Variants in CCDC38 observed in about 807,000 individuals in gnomAD.
The protein encoded by CCDC38 is coiled-coil domain-containing protein 38.
In CCDC38, 69 loss-of-function variants were observed where a neutral mutation model predicts 72.8. The observed-to-expected ratio is 0.95, with a 90% confidence interval of 0.78 to 1.16. The LOEUF (loss-of-function observed/expected upper bound fraction) is 1.16. CCDC38 is among the 50% of genes most tolerant of loss of function. The pLI, the probability that CCDC38 is intolerant of heterozygous loss-of-function variation, is 0.00. For missense variants in CCDC38, 626 were observed against 638.9 expected (o/e 0.98, Z 0.22); for synonymous variants, 201 against 213.2 (o/e 0.94, Z 0.50).
chr12:95,903,588 C>T, intron 5 of CCDC38: 1 of 590,568 alleles, frequency 1.7e-6, no homozygotes, highest in Non-Finnish European at 3.1e-6. Flanking sequence ...TGCTGAGAGT[C>T]TCCATCAAGA....
At chr12:95,908,331 GC>G (rs2080037865) in intron 4 of CCDC38, among the ~76,000 whole-genome samples, 8 of 149,940 alleles carry the variant, frequency 5.3e-5, no homozygotes, top group African/African-American at 2.5e-5. Flanking sequence ...GCGTGGCGGC[GC>G]GCGCCTGCAA....
chr12:95,902,672 G>T (rs1484185738), intron 5 of CCDC38, among the ~76,000 whole-genome samples: 1 of 152,122 alleles, frequency 6.6e-6, no homozygotes, highest in African/African-American at 2.4e-5. Flanking sequence ...AAATAAGGTT[G>T]CTATGAGCAC....
At chr12:95,932,994 T>C (rs2080354119) in intron 2 of CCDC38, among the ~76,000 whole-genome samples, 1 of 152,172 alleles carries the variant, frequency 6.6e-6, no homozygotes, top group Non-Finnish European at 1.5e-5. Flanking sequence ...ATGGTTATTC[T>C]CATGGAATAA....
At chr12:95,941,083 C>G (rs2080445685) in intron 1 of CCDC38, among the ~76,000 whole-genome samples, 1 of 152,232 alleles carries the variant, frequency 6.6e-6, no homozygotes, top group Non-Finnish European at 1.5e-5. Context: ...CTCATCCTTT[C>G]TGCTTTTGCA....
chr12:95,940,864 C>T (rs1427361123), intron 1 of CCDC38, among the ~76,000 whole-genome samples: 4 of 130,898 alleles, frequency 3.1e-5, no homozygotes, highest in Non-Finnish European at 4.7e-5. Flanking sequence ...GCCCCTTTTG[C>T]GAAGTGAAAA....
Position 95,917,200 on chromosome 12 carries a change from T to C in CCDC38, c.233A>G (p.Tyr78Cys), listed in dbSNP as rs143334532. 56 of 1,610,108 alleles carry C rather than the reference T, an allele frequency of 3.5e-5. No individual in the cohort carries two copies. The highest frequency in any genetic ancestry group is 4.5e-5 in the East Asian group (2 of 44,558). Residue 78 changes from tyrosine (Y) to cysteine (C), a missense_variant, in exon 4 of 16, where the codon TAC becomes TGC. Transcript: ENST00000344280. The part of the protein sequence containing the change: ...SHSYLSQLAF[Y>C]PKRSGRSFEK... ...AAATGACCTACCACTCCTTTTAGGG[T>C]AGAAAGCTAGTTGGCTCAGGTATGA...
chr12:95,922,506 A>G (rs950877019), intron 2 of CCDC38, among the ~76,000 whole-genome samples: 1 of 152,162 alleles, frequency 6.6e-6, no homozygotes, highest in Non-Finnish European at 1.5e-5. Context: ...TGTTTGAATA[A>G]TTTCATGGCT....
chr12:95,918,766 A>C, intron 3 of CCDC38, 110 bp downstream of exon 3: 1 of 690,174 alleles, frequency 1.4e-6, no homozygotes, highest in Non-Finnish European at 2.6e-6. Flanking sequence ...GGCACACACC[A>C]TCTGCGTCTA....
intron 5 of CCDC38, among the ~76,000 whole-genome samples, chr12:95,902,502 CTT>C (rs2079960318): frequency 6.6e-6 from 1 of 152,080 alleles, no homozygotes. Context: ...GATTTATAAA[CTT>C]AGTACAACTA....
chr12:95,867,220 A>AT, intron 15 of CCDC38, 31 bp from the exon 16 acceptor site: 1 of 1,211,124 alleles, frequency 8.3e-7, no homozygotes, highest in Middle Eastern at 2.4e-4. Flanking sequence ...AATACTTAAT[A>AT]TTTTTTGAGC....
intron 13 of CCDC38, among the ~76,000 whole-genome samples, chr12:95,876,551 A>T (rs1417635962): frequency 6.6e-6 from 1 of 152,206 alleles, no homozygotes. Context: ...AAATTTGGTT[A>T]TGTATATTGT....
chr12:95,926,457 G>C (rs1467292155), intron 2 of CCDC38, among the ~76,000 whole-genome samples: 1 of 151,380 alleles, frequency 6.6e-6, no homozygotes, highest in African/African-American at 2.4e-5. Context: ...TCTTGCTAGC[G>C]GTCTATCAAT....
rs573915354 is a variant in CCDC38, at chr12:95,923,663, G to A, written c.38-4687C>T. ...CCCACTAACTCGTCATCTAGCATTA[G>A]GTATATCTCCCAATGCTATCCCTCC... On this transcript the variant is annotated intron_variant, in intron 2 of 15. Coordinates refer to ENST00000344280, the MANE Select transcript of CCDC38 (RefSeq NM_182496.3). Among the ~76,000 whole-genome samples, 368 of 152,104 alleles carry A rather than the reference G, an allele frequency of 2.4e-3. 3 individuals are homozygous for A. Among genetic ancestry groups the A allele is most frequent in the Non-Finnish European group, 4.6e-3 (314 of 67,992 alleles).
At chr12:95,936,619 T>A in intron 1 of CCDC38, 96 bp from the exon 2 acceptor site, 1 of 937,938 alleles carries the variant, frequency 1.1e-6, no homozygotes, top group Non-Finnish European at 1.6e-6. Context: ...ACAGTCCTTA[T>A]GGCTTTTAAA....
At chr12:95,887,318 C>G (rs895720967) in intron 10 of CCDC38, among the ~76,000 whole-genome samples, 1 of 152,162 alleles carries the variant, frequency 6.6e-6, no homozygotes, top group Non-Finnish European at 1.5e-5. Flanking sequence ...ATATTTGTAG[C>G]AACTTTATTC....
At chr12:95,896,880 T>C (rs1003155582) in intron 7 of CCDC38, among the ~76,000 whole-genome samples, 9 of 152,234 alleles carry the variant, frequency 5.9e-5, no homozygotes, top group African/African-American at 2.2e-4. Context: ...TTTGGAGGGC[T>C]CAACTCGGCG....
chr12:95,897,000 G>A (rs569052951), intron 7 of CCDC38, among the ~76,000 whole-genome samples: 2 of 152,350 alleles, frequency 1.3e-5, no homozygotes, highest in African/African-American at 4.8e-5. Context: ...GGGTGAAAGA[G>A]AGAAGGAAAT....
At chr12:95,931,425 C>T (rs923868937) in intron 2 of CCDC38, among the ~76,000 whole-genome samples, 2 of 152,260 alleles carry the variant, frequency 1.3e-5, no homozygotes, top group African/African-American at 2.4e-5. Flanking sequence ...TGTAAGGTAA[C>T]GTATTTACAG....
At chr12:95,903,659 T>C in intron 5 of CCDC38, 1 of 486,806 alleles carries the variant, frequency 2.1e-6, no homozygotes, top group Non-Finnish European at 3.6e-6. Flanking sequence ...ATATGGGTTT[T>C]CATTTTTAAT....
Sources: allele counts gnomAD v4.1 joint callset (sites outside exome capture counted in the v4.1 genomes callset), GRCh38; gene constraint gnomAD v4.1.1; transcripts MANE v1.5; gene names NCBI Gene and HGNC (gene_info 2026-07-23, HGNC 2026-07-21).